TNRC6B: variants seen among roughly 807,000 people sequenced by gnomAD.
TNRC6B encodes the protein trinucleotide repeat containing adaptor 6B.
TNRC6B carries 52 observed loss-of-function variants against 203.6 expected under a neutral mutation model. The observed-to-expected ratio is 0.26, with a 90% CI of 0.20 to 0.32. The LOEUF (loss-of-function observed/expected upper bound fraction) is 0.32, where lower values mean the gene tolerates loss of function less well. TNRC6B is among the 10% of genes least tolerant of loss of function. The probability of loss-of-function intolerance (pLI) is 1.00; values close to 1 mark genes in which losing one functional copy is unlikely to be tolerated. For missense variants in TNRC6B, 1,923 were observed against 2,286.2 expected, an observed-to-expected ratio of 0.84 and a Z score of 3.24; for synonymous variants, 838 against 845.7, an observed-to-expected ratio of 0.99 and a Z score of 0.16.
chr22:40,105,088 T>TAA (rs2068271513), intron 1 of TNRC6B, among the ~76,000 whole-genome samples: 1 of 152,048 alleles, frequency 6.6e-6, no homozygotes, highest in Non-Finnish European at 1.5e-5. Context: ...AAGCACACGA[T>TAA]TGAGAGCAAG....
At chr22:40,305,611 C>T (rs1432546774) in intron 15 of TNRC6B, among the ~76,000 whole-genome samples, 4 of 152,134 alleles carry the variant, frequency 2.6e-5, no homozygotes, top group East Asian at 1.9e-4. Flanking sequence ...AAATTATGTC[C>T]GTCTTCGCCT....
intron 1 of TNRC6B, among the ~76,000 whole-genome samples, chr22:40,095,666 T>C (rs1288220097): frequency 6.6e-6 from 1 of 150,840 alleles, no homozygotes; most frequent in African/African-American, 2.4e-5. Context: ...ATCCTTTAAG[T>C]AACTGAGTTT....
chr22:40,183,538 G>A (rs2069163028), intron 1 of TNRC6B, among the ~76,000 whole-genome samples: 1 of 152,068 alleles, frequency 6.6e-6, no homozygotes, highest in Non-Finnish European at 1.5e-5. Flanking sequence ...CATACATTCT[G>A]TGCTTTGCAT....
chr22:40,143,294 G>A (rs536983760), intron 3 of TNRC6B, among the ~76,000 whole-genome samples: 146 of 152,196 alleles, frequency 9.6e-4, no homozygotes, highest in African/African-American at 3.4e-3. Flanking sequence ...TTAGTTGGGT[G>A]TGGTGATGCA....
At chr22:40,313,229 G>T (rs767319185) in intron 19 of TNRC6B, among the ~76,000 whole-genome samples, 2 of 152,168 alleles carry the variant, frequency 1.3e-5, no homozygotes, top group Non-Finnish European at 2.9e-5. Context: ...TGACATAACT[G>T]CAGGGAGCTG....
At chr22:40,065,793 A>G (rs1026557580) in intron 1 of TNRC6B, among the ~76,000 whole-genome samples, 16 of 152,130 alleles carry the variant, frequency 1.1e-4, no homozygotes, top group Admixed American at 1.0e-3. Flanking sequence ...TACTGAAGCA[A>G]CTGAATCTTC....
chr22:40,176,660 A>G (rs2146374678), upstream of TNRC6B, among the ~76,000 whole-genome samples: 1 of 152,266 alleles, frequency 6.6e-6, no homozygotes. Context: ...AGCAGTGAAG[A>G]CGTGGTGTTT....
At chr22:40,171,156 A>ATTT (rs747786805) in intron 4 of TNRC6B, among the ~76,000 whole-genome samples, 38 of 124,418 alleles carry the variant, frequency 3.1e-4, no homozygotes, top group Non-Finnish European at 3.9e-4. Flanking sequence ...ATAAATGCTA[A>ATTT]TTTTTTTTTT....
chr22:40,171,670 T>C (rs2069000834), intron 4 of TNRC6B, among the ~76,000 whole-genome samples: 1 of 152,190 alleles, frequency 6.6e-6, no homozygotes, highest in Admixed American at 6.5e-5. Context: ...CGCTGTTTTC[T>C]TTTCCTGCTG....
intron 1 of TNRC6B, among the ~76,000 whole-genome samples, chr22:40,095,949 G>C (rs561747080): frequency 3.2e-4 from 48 of 152,092 alleles, no homozygotes; most frequent in African/African-American, 1.1e-3. Context: ...TCATCACCAG[G>C]TAACTAAGCT....
At chr22:40,190,014 T>A (rs991876530) in intron 1 of TNRC6B, among the ~76,000 whole-genome samples, 1 of 152,194 alleles carries the variant, frequency 6.6e-6, no homozygotes, top group Non-Finnish European at 1.5e-5. Flanking sequence ...TTCCCACAGA[T>A]CATCACAGGT....
chr22:40,266,657 G>C lies in TNRC6B; in HGVS notation c.2427G>C (p.Thr809=), dbSNP rs368695167. The C allele has an allele frequency of 4.3e-6, 7 of 1,613,004 alleles. No homozygotes were observed. Among genetic ancestry groups the C allele is most frequent in the Non-Finnish European group, 5.9e-6 (7 of 1,179,456 alleles). Residue 809 remains threonine (T), a synonymous_variant, in exon 5 of 23, where the codon ACG becomes ACC. Coordinates refer to ENST00000454349, the MANE Select transcript of TNRC6B (RefSeq NM_001162501.2). ...AAAGATCCCCAGCATGGAATGAGAC[G>C]GGCCGACAGCCCAATTCCTGGAATA... ...DCKRSPAWNE[T]GRQPNSWNKQ...
At chr22:40,145,082 AAAAAAT>A (rs1411858964) in intron 3 of TNRC6B, among the ~76,000 whole-genome samples, 1 of 151,684 alleles carries the variant, frequency 6.6e-6, no homozygotes, top group Non-Finnish European at 1.5e-5. Context: ...AAAAAAAAAA[AAAAAAT>A]TTTTTTAATT....
chr22:40,074,516 C>T (rs368297096), intron 1 of TNRC6B, among the ~76,000 whole-genome samples: 1 of 151,908 alleles, frequency 6.6e-6, no homozygotes, highest in Non-Finnish European at 1.5e-5. Flanking sequence ...CGGTGGCTCA[C>T]GCCTGTAATC....
intron 2 of TNRC6B, among the ~76,000 whole-genome samples, chr22:40,250,458 ACTTT>A (rs148782381): frequency 0.018 from 2,799 of 152,218 alleles, 56 homozygotes; most frequent in African/African-American, 0.049. Context: ...ATAAAGAAAT[ACTTT>A]CTTTTTTTTT....
At chr22:40,154,890 T>C (rs1252440326) in intron 3 of TNRC6B, among the ~76,000 whole-genome samples, 22 of 43,462 alleles carry the variant, frequency 5.1e-4, no homozygotes, top group African/African-American at 6.0e-4. Flanking sequence ...TATATATATA[T>C]ATATACATAT....
chr22:40,227,569 T>C (rs545595473), intron 1 of TNRC6B, among the ~76,000 whole-genome samples: 1 of 152,118 alleles, frequency 6.6e-6, no homozygotes, highest in East Asian at 1.9e-4. Flanking sequence ...CAGGCTGGTC[T>C]TGAACTCCTT....
At chr22:40,139,298 A>G (rs2068625977) in intron 3 of TNRC6B, among the ~76,000 whole-genome samples, 1 of 151,870 alleles carries the variant, frequency 6.6e-6, no homozygotes, top group Non-Finnish European at 1.5e-5. Context: ...GAATGGCTGA[A>G]TAATACCCTA....
At chr22:40,098,983 G>A (rs113480339) in intron 1 of TNRC6B, among the ~76,000 whole-genome samples, 1,788 of 152,226 alleles carry the variant, frequency 0.012, 35 homozygotes, top group African/African-American at 0.041. Context: ...CAGGCACGGT[G>A]GCTCGCACCT....
Sources: allele counts gnomAD v4.1 joint callset (sites outside exome capture counted in the v4.1 genomes callset), GRCh38; gene constraint gnomAD v4.1.1; transcripts MANE v1.5; gene names NCBI Gene and HGNC (gene_info 2026-07-23, HGNC 2026-07-21).